Variants in SFMBT2 observed in about 807,000 individuals in gnomAD.
SFMBT2 encodes the protein scm-like with four MBT domains protein 2.
Under a neutral mutation model 110.1 loss-of-function variants are expected in SFMBT2, and 38 were observed. The ratio of observed to expected loss-of-function variants is 0.35; its 90% CI spans 0.27 to 0.45. The LOEUF is 0.45. SFMBT2 is among the 20% of genes least tolerant of loss of function. The probability of loss-of-function intolerance (pLI) is 1.00; values close to 1 mark genes in which losing one functional copy is unlikely to be tolerated. For missense variants in SFMBT2, 1,011 were observed against 1,094.9 expected, an observed-to-expected ratio of 0.92 and a Z score of 1.08; for synonymous variants, 425 against 425.4, an observed-to-expected ratio of 1.00 and a Z score of 0.01.
At chr10:7,228,376 T>A (rs1171913324) in intron 9 of SFMBT2, 619 of 686,896 alleles carry the variant, frequency 9.0e-4, no homozygotes, top group Non-Finnish European at 1.0e-3. Context: ...AATAAAAAAT[T>A]AAAAAAAAAA....
intron 4 of SFMBT2, among the ~76,000 whole-genome samples, chr10:7,304,465 A>T (rs1842639246): frequency 6.6e-6 from 1 of 152,174 alleles, no homozygotes; most frequent in African/African-American, 2.4e-5. Flanking sequence ...AAATGGACTA[A>T]TACACGTACT....
intron 11 of SFMBT2, among the ~76,000 whole-genome samples, chr10:7,216,883 C>G (rs552395938): frequency 1.3e-5 from 2 of 152,140 alleles, no homozygotes; most frequent in African/African-American, 4.8e-5. Context: ...CCAAGGAAGC[C>G]GAGGAATCAG....
chr10:7,167,696 G>T (rs376715256), intron 20 of SFMBT2, among the ~76,000 whole-genome samples: 1 of 152,318 alleles, frequency 6.6e-6, no homozygotes, highest in African/African-American at 2.4e-5. Context: ...GACAGAAAAG[G>T]ACTCAAGTGC....
chr10:7,382,520 A>G (rs917788670), intron 1 of SFMBT2, among the ~76,000 whole-genome samples: 1 of 152,186 alleles, frequency 6.6e-6, no homozygotes, highest in Non-Finnish European at 1.5e-5. Context: ...GGTCATTATC[A>G]CCACTAAGAT....
intron 4 of SFMBT2, among the ~76,000 whole-genome samples, chr10:7,306,700 A>G (rs1430561856): frequency 6.7e-6 from 1 of 148,932 alleles, no homozygotes; most frequent in African/African-American, 2.5e-5. Context: ...AATAGCAACT[A>G]AAAAAAAAAT....
At chr10:7,329,347 G>A (rs1843494890) in intron 4 of SFMBT2, among the ~76,000 whole-genome samples, 1 of 152,240 alleles carries the variant, frequency 6.6e-6, no homozygotes, top group Non-Finnish European at 1.5e-5. Flanking sequence ...CCTGCACGGA[G>A]GTTCTCACGA....
At chr10:7,166,744 T>C (rs189237630) in intron 20 of SFMBT2, among the ~76,000 whole-genome samples, 29 of 152,216 alleles carry the variant, frequency 1.9e-4, no homozygotes, top group Admixed American at 5.2e-4. Context: ...CAGGGACCAG[T>C]AAGAATTATT....
intron 6 of SFMBT2, among the ~76,000 whole-genome samples, chr10:7,280,111 G>A (rs1229859517): frequency 6.6e-6 from 1 of 152,160 alleles, no homozygotes. Flanking sequence ...ACTATGTGAG[G>A]ACACAGTCAG....
At chr10:7,406,144 A>C (rs1166092196) in intron 1 of SFMBT2, among the ~76,000 whole-genome samples, 2 of 152,064 alleles carry the variant, frequency 1.3e-5, no homozygotes, top group South Asian at 4.2e-4. Context: ...ATGAACCTCA[A>C]AAGTACAGAG....
chr10:7,321,059 A>C (rs1410731847), intron 4 of SFMBT2, among the ~76,000 whole-genome samples: 1 of 152,266 alleles, frequency 6.6e-6, no homozygotes, highest in Non-Finnish European at 1.5e-5. Context: ...GGTTTATTAC[A>C]GGATTCCTCC....
At chr10:7,218,561 T>C (rs1378881166) in intron 11 of SFMBT2, among the ~76,000 whole-genome samples, 1 of 152,204 alleles carries the variant, frequency 6.6e-6, no homozygotes, top group Admixed American at 6.5e-5. Flanking sequence ...GGAAAAATGG[T>C]CAATGTATAT....
At chr10:7,251,664 G>T (rs1435607123) in intron 7 of SFMBT2, among the ~76,000 whole-genome samples, 1 of 152,196 alleles carries the variant, frequency 6.6e-6, no homozygotes, top group African/African-American at 2.4e-5. Context: ...GCAAGTCTAA[G>T]CAGTCATTAT....
chr10:7,294,343 A>C (rs1347584379), intron 4 of SFMBT2, among the ~76,000 whole-genome samples: 1 of 152,198 alleles, frequency 6.6e-6, no homozygotes, highest in Non-Finnish European at 1.5e-5. Flanking sequence ...CTAAACCTGT[A>C]ATATATGATG....
intron 15 of SFMBT2, among the ~76,000 whole-genome samples, chr10:7,189,735 C>A (rs931963535): frequency 3.3e-5 from 5 of 152,182 alleles, no homozygotes; most frequent in African/African-American, 1.2e-4. Flanking sequence ...CGTCCGGGTG[C>A]GGAAGTTGGA....
chr10:7,204,616 G>T, intron 12 of SFMBT2: 1 of 581,814 alleles, frequency 1.7e-6, no homozygotes, highest in Non-Finnish European at 2.2e-6. Context: ...TGGCCAAAGT[G>T]TAATTCCAGC....
intron 4 of SFMBT2, among the ~76,000 whole-genome samples, chr10:7,319,702 C>T (rs1229475960): frequency 7.5e-6 from 1 of 133,530 alleles, no homozygotes; most frequent in African/African-American, 2.9e-5. Flanking sequence ...GACTGAGAGA[C>T]AGAGATAGAC....
At chr10:7,327,046 T>G (rs904878928) in intron 4 of SFMBT2, among the ~76,000 whole-genome samples, 58 of 151,846 alleles carry the variant, frequency 3.8e-4, no homozygotes, top group Admixed American at 3.7e-3. Context: ...CCTGCTGTCC[T>G]TCATACGAGG....
At chr10:7,252,579 A>G (rs1356994166) in intron 7 of SFMBT2, among the ~76,000 whole-genome samples, 2 of 152,166 alleles carry the variant, frequency 1.3e-5, no homozygotes, top group Admixed American at 1.3e-4. Flanking sequence ...ATCAAAACCA[A>G]GCATGGTGGA....
At chr10:7,406,498 T>A (rs913351139) in intron 1 of SFMBT2, among the ~76,000 whole-genome samples, 2 of 144,228 alleles carry the variant, frequency 1.4e-5, no homozygotes, top group Non-Finnish European at 3.0e-5. Context: ...TTAGCTAGAG[T>A]GGGCAGCAAT....
Sources: gnomAD v4.1 joint callset for allele counts (sites outside exome capture counted in the v4.1 genomes callset) on GRCh38, gnomAD v4.1.1 for gene constraint, MANE v1.5 for transcripts, NCBI Gene and HGNC (gene_info 2026-07-23, HGNC 2026-07-21) for gene names.